The following ATAT1 variants were observed in gnomAD, a reference collection of about 807,000 sequenced individuals.
ATAT1 encodes the protein alpha-tubulin N-acetyltransferase 1.
ATAT1 carries 42 observed loss-of-function variants against 57.2 expected under a neutral mutation model. The observed-to-expected ratio is 0.73, with a 90% CI of 0.57 to 0.95. The LOEUF (loss-of-function observed/expected upper bound fraction) is 0.95. Among genes scored for constraint, ATAT1 ranks in the 40% least tolerant of loss-of-function variants. ATAT1 has a pLI of 0.00. For missense variants in ATAT1, 454 were observed against 523.7 expected (o/e 0.87, Z 1.30); for synonymous variants, 168 against 187.1 (o/e 0.90, Z 0.83).
chr6:30,637,434 G>T (rs1230489111), intron 6 of ATAT1, among the ~76,000 whole-genome samples: 1 of 151,188 alleles, frequency 6.6e-6, no homozygotes, highest in Non-Finnish European at 1.5e-5. Flanking sequence ...GCAGTGGCAC[G>T]ATCACGGCTC....
At chr6:30,627,756 A>T (rs765395509) in intron 3 of ATAT1, 29 bp downstream of exon 3, 1 of 1,607,012 alleles carries the variant, frequency 6.2e-7, no homozygotes, top group South Asian at 1.1e-5. Flanking sequence ...TCCATCCCAT[A>T]CTTAATTCCT....
intron 10 of ATAT1, chr6:30,644,053 C>T (rs996528803): frequency 4.0e-6 from 4 of 989,374 alleles, no homozygotes; most frequent in East Asian, 1.1e-4. Context: ...TGCGAATGGC[C>T]GCTAGTGAGC....
intron 10 of ATAT1, chr6:30,643,848 C>T: frequency 7.6e-7 from 1 of 1,309,828 alleles, no homozygotes; most frequent in Non-Finnish European, 9.7e-7. Context: ...GGTTAGATGG[C>T]TCATACATTT....
At chr6:30,634,691 TAAA>T (rs1318815753) in intron 6 of ATAT1, among the ~76,000 whole-genome samples, 1 of 128,184 alleles carries the variant, frequency 7.8e-6, no homozygotes, top group South Asian at 2.5e-4. Context: ...AAACCTTGTT[TAAA>T]AAAAAAAAAA....
At chr6:30,642,315 G>A (rs551613179) in intron 9 of ATAT1, 68 bp downstream of exon 9, 1 of 1,599,828 alleles carries the variant, frequency 6.3e-7, no homozygotes, top group South Asian at 1.1e-5. Context: ...AATGCTCAGG[G>A]GACCCAGGGA....
chr6:30,636,371 T>TC (rs2127521445), intron 6 of ATAT1, among the ~76,000 whole-genome samples: 1 of 152,006 alleles, frequency 6.6e-6, no homozygotes, highest in African/African-American at 2.4e-5. Context: ...GATCACAAGG[T>TC]CAGGAGATCG....
Position 30,628,340 on chromosome 6 carries a change from G to A in ATAT1, c.411G>A (p.Val137=). 6.2e-7 allele frequency: 1 copy of A among 1,612,960 alleles called. No individual in the cohort carries two copies. Among genetic ancestry groups the A allele is most frequent in the African/African-American group, 1.3e-5 (1 of 75,002 alleles). The stretch of plus-strand genomic sequence containing the variant: ...CCTTTTCCCTGCAGAAGGAGCGAGT[G>A]GAACCGCACCAACTGGCAATTGACC... Residue 137 remains valine, a synonymous_variant, in exon 6 of 13, where the codon GTG becomes GTA. Transcript: ENST00000330083.
chr6:30,643,561 A>G, intron 10 of ATAT1: 1 of 1,550,200 alleles, frequency 6.5e-7, no homozygotes, highest in South Asian at 1.2e-5. Flanking sequence ...AGTCGATACT[A>G]ACAGCTACCC....
intron 10 of ATAT1, among the ~76,000 whole-genome samples, 184 bp from the exon 11 acceptor site, chr6:30,645,711 T>C (rs1306978592): frequency 6.6e-6 from 1 of 152,174 alleles, no homozygotes; most frequent in Non-Finnish European, 1.5e-5. Context: ...AAATCTTGGG[T>C]ATAAAATGAA....
intron 6 of ATAT1, among the ~76,000 whole-genome samples, chr6:30,639,701 TCTC>T (rs1764991535): frequency 6.6e-6 from 1 of 151,238 alleles, no homozygotes; most frequent in Non-Finnish European, 1.5e-5. Context: ...ATGGTCTCGA[TCTC>T]CTGACCTCAT....
intron 10 of ATAT1, 190 bp downstream of exon 10, chr6:30,643,201 G>A: frequency 1.4e-6 from 2 of 1,439,926 alleles, no homozygotes; most frequent in Non-Finnish European, 1.8e-6. Context: ...GAGCAGAATA[G>A]GACCTTATAT....
intron 8 of ATAT1, 90 bp from the exon 9 acceptor site, chr6:30,642,086 G>T: frequency 6.3e-7 from 1 of 1,597,838 alleles, no homozygotes; most frequent in South Asian, 1.1e-5. Flanking sequence ...TCAGGGAGCA[G>T]AGGTTTGGGG....
Position 30,631,689 on chromosome 6 carries a change from G to A in ATAT1, c.501+3259G>A, listed in dbSNP as rs142973101. Among the ~76,000 whole-genome samples the A allele has an allele frequency of 3.8e-3, 574 of 152,080 alleles. 11 individuals are homozygous for A. The East Asian group carries it at 0.046, about 12-fold the overall frequency. On this transcript the variant is annotated intron_variant, in intron 6 of 12. Transcript: ENST00000330083. ...AGCTACTTGGGGGTCTGAGGCAGGA[G>A]GATTGCTTAAGCCCAGGAGGTCGAA...
chr6:30,642,833 G>GGGGGGGGGCCGCC lies in ATAT1; in HGVS notation c.754_755insGGGGGGGGCCGCC (p.Ala252GlyfsTer52). 1 of 1,537,876 alleles carries GGGGGGGGGCCGCC rather than the reference G, an allele frequency of 6.5e-7. No homozygotes were observed. Among genetic ancestry groups the GGGGGGGGGCCGCC allele is most frequent in the Non-Finnish European group, 8.7e-7 (1 of 1,145,782 alleles). ...GGCCCCTCGCCGCGCCACACCTCCAGCCCACCCACCCCCCCGCTCCAGCAG... is the reference window on the plus strand; with the variant it reads ...GGCCCCTCGCCGCGCCACACCTCCAGGGGGGGGGCCGCCCCCACCCACCCCCCCGCTCCAGCAG... On this transcript the variant is annotated frameshift_variant, in exon 10 of 13. Transcript: ENST00000330083. LOFTEE classifies it high-confidence loss of function.
At position 30,627,282 on chromosome 6, in the gene ATAT1, A is replaced by G; in HGVS notation, c.71+8A>G. 6.2e-7 allele frequency: 1 copy of G among 1,613,876 alleles called. No individual in the cohort carries two copies. The highest frequency in any genetic ancestry group is 8.5e-7 in the Non-Finnish European group (1 of 1,179,866). On this transcript the variant is annotated splice_region_variant and intron_variant, in intron 1 of 12. Transcript: ENST00000330083. ...AGTGTGCCACCTTGAAAGGTGTGAC[A>G]GAAGTTTGGGTTTCAGAAGGGTGGG...
At chr6:30,628,636 G>A (rs745802157) in intron 6 of ATAT1, among the ~76,000 whole-genome samples, 48 of 150,460 alleles carry the variant, frequency 3.2e-4, no homozygotes, top group Non-Finnish European at 6.3e-4. Context: ...ATGGAGTCTC[G>A]CCATGCTGCC....
At chr6:30,641,104 CAT>C (rs1194324468) in intron 8 of ATAT1, among the ~76,000 whole-genome samples, 22 of 140,830 alleles carry the variant, frequency 1.6e-4, no homozygotes, top group East Asian at 1.3e-3. Context: ...TTCCCCATCC[CAT>C]ATACACACAT....
chr6:30,646,640 G>A lies in ATAT1; in HGVS notation c.1227G>A (p.Trp409Ter). 6.4e-7 allele frequency: 1 copy of A among 1,559,126 alleles called. No individual in the cohort carries two copies. The highest frequency in any genetic ancestry group is 8.7e-7 in the Non-Finnish European group (1 of 1,151,310). Residue 409 changes from tryptophan to a stop codon, truncating the protein, a stop_gained, in exon 13 of 13, where the codon TGG becomes TGA. Coordinates refer to ENST00000330083, the MANE Select transcript of ATAT1 (RefSeq NM_001031722.4). LOFTEE classifies it high-confidence loss of function. The stretch of plus-strand genomic sequence containing the variant: ...AGGAACGTCGCAGCACCAGGCCTTG[G>A]TGACCGCAGCCCCGTCAAACATCTT...
intron 6 of ATAT1, among the ~76,000 whole-genome samples, chr6:30,631,022 A>G (rs915355044): frequency 2.0e-5 from 3 of 152,036 alleles, no homozygotes; most frequent in African/African-American, 7.2e-5. Context: ...AGCTGGAGAG[A>G]CAAACAAACA....
Sources: gnomAD v4.1 joint callset for allele counts (sites outside exome capture counted in the v4.1 genomes callset) on GRCh38, gnomAD v4.1.1 for gene constraint, MANE v1.5 for transcripts, NCBI Gene and HGNC (gene_info 2026-07-23, HGNC 2026-07-21) for gene names.